The following ERBB4 variants were observed in gnomAD, a reference collection of about 807,000 sequenced individuals.
The protein encoded by ERBB4 is receptor tyrosine-protein kinase erbB-4.
ERBB4 carries 42 observed loss-of-function variants against 158.0 expected under a neutral mutation model. That is an observed-to-expected ratio of 0.27 (90% CI 0.21 to 0.34). ERBB4 has a LOEUF of 0.34. Ranked by LOEUF, ERBB4 falls within the 10% of genes least tolerant of loss-of-function variation. The pLI is 1.00. For synonymous variants in ERBB4, 583 were observed against 558.7 expected, an observed-to-expected ratio of 1.04 and a Z score of -0.61; for missense variants, 1,333 against 1,624.1, an observed-to-expected ratio of 0.82 and a Z score of 3.08.
At chr2:211,623,012 T>A (rs1242882438) in intron 18 of ERBB4, among the ~76,000 whole-genome samples, 5 of 64,230 alleles carry the variant, frequency 7.8e-5, no homozygotes, top group African/African-American at 3.1e-4. Flanking sequence ...TATATATATA[T>A]ATATATATAT....
In ERBB4 at chr2:211,702,159, A is replaced by T. The variant is rs2073277697; in HGVS notation, c.1297T>A (p.Ser433Thr). 1 of 1,613,706 alleles carries T rather than the reference A, an allele frequency of 6.2e-7. No homozygotes were observed. The highest frequency in any genetic ancestry group is 8.5e-7 in the Non-Finnish European group (1 of 1,179,740). The change falls in exon 12 of 28, where the codon TCC (serine) becomes ACC (threonine). Residue 433 changes from serine (S) to threonine (T), a missense_variant. By Grantham distance (58) the Ser-to-Thr change is moderately conservative (BLOSUM62 1). Coordinates refer to ENST00000342788, the MANE Select transcript of ERBB4 (RefSeq NM_005235.3). ...CCCTGTTGCTTGAGGATAAGCAAGG[A>T]CAGGCCACTAAGGAGGGGGAAGTGA... ...IGGRVLYSGL[S>T]LLILKQQGIT...
At chr2:211,490,007 T>G (rs1302872701) in intron 20 of ERBB4, among the ~76,000 whole-genome samples, 1 of 152,034 alleles carries the variant, frequency 6.6e-6, no homozygotes, top group Non-Finnish European at 1.5e-5. Context: ...TGTATTAAGG[T>G]GTGTGGAGGC....
At chr2:212,158,805 G>C (rs1275467133) in intron 1 of ERBB4, among the ~76,000 whole-genome samples, 1 of 151,900 alleles carries the variant, frequency 6.6e-6, no homozygotes, top group Non-Finnish European at 1.5e-5. Flanking sequence ...GTTTGCTTAG[G>C]AATGATGATA....
intron 3 of ERBB4, among the ~76,000 whole-genome samples, chr2:211,879,062 G>A (rs887934334): frequency 2.6e-5 from 4 of 152,098 alleles, no homozygotes; most frequent in Non-Finnish European, 5.9e-5. Flanking sequence ...GTCATGGTTG[G>A]TAAATGCTGG....
intron 1 of ERBB4, among the ~76,000 whole-genome samples, chr2:212,351,844 A>G (rs1435031981): frequency 5.3e-5 from 8 of 152,212 alleles, no homozygotes; most frequent in Non-Finnish European, 1.0e-4. Context: ...TGACCCTCAC[A>G]TAAATGAATT....
intron 1 of ERBB4, among the ~76,000 whole-genome samples, chr2:212,193,118 A>C (rs62182574): frequency 0.19 from 29,028 of 152,044 alleles, 3,081 homozygotes; most frequent in Non-Finnish European, 0.22. Flanking sequence ...ACATGTTTTT[A>C]CCTCCTGGGT....
At chr2:211,528,081 C>T (rs1026080470) in intron 20 of ERBB4, among the ~76,000 whole-genome samples, 1 of 151,874 alleles carries the variant, frequency 6.6e-6, no homozygotes, top group African/African-American at 2.4e-5. Context: ...TGATGAAAAA[C>T]AGGAACCAAT....
chr2:212,077,051 C>T (rs2078296326), intron 2 of ERBB4, among the ~76,000 whole-genome samples: 1 of 151,866 alleles, frequency 6.6e-6, no homozygotes, highest in Non-Finnish European at 1.5e-5. Context: ...ACGTATACAA[C>T]CTAATTATAC....
intron 2 of ERBB4, among the ~76,000 whole-genome samples, chr2:212,003,185 GAAAGAAAGAAAGAAAGAAAGACAGAAA>G (rs1559293185): frequency 5.9e-4 from 39 of 66,386 alleles, no homozygotes; most frequent in African/African-American, 7.3e-4. Flanking sequence ...AAGAAAGAAA[GAAAGAAAGAAAGAAAGAAAGACAGAAA>G]GAAGGAAGGA....
intron 3 of ERBB4, among the ~76,000 whole-genome samples, chr2:211,898,147 G>A (rs115383012): frequency 0.012 from 1,827 of 151,792 alleles, 41 homozygotes; most frequent in African/African-American, 0.041. Context: ...AGTAGCTTTC[G>A]AAAGCCTAAA....
intron 2 of ERBB4, among the ~76,000 whole-genome samples, chr2:211,992,781 T>C (rs918484244): frequency 6.6e-6 from 1 of 152,162 alleles, no homozygotes; most frequent in Non-Finnish European, 1.5e-5. Flanking sequence ...CCATGCCCCA[T>C]ACACCAGTGT....
chr2:211,583,709 AT>A (rs1289195000), intron 19 of ERBB4, among the ~76,000 whole-genome samples: 1 of 151,534 alleles, frequency 6.6e-6, no homozygotes, highest in Non-Finnish European at 1.5e-5. Flanking sequence ...CTAGTAAAAT[AT>A]TTTTTGTAAC....
rs539183730 is a variant in ERBB4, at chr2:212,204,967, C to T, written c.83-80064G>A. On this transcript the variant is annotated intron_variant, in intron 1 of 27. Transcript: ENST00000342788. ...CCGAGTAGCTGGGATTACAGGTATG[C>T]ACCACCACGCCCGGCTAGTTTTGTA... is the stretch of plus-strand genomic sequence containing the variant. Among the ~76,000 whole-genome samples the T allele has an allele frequency of 4.0e-5, 6 of 151,186 alleles. No homozygotes were observed. The East Asian group carries it at 8.1e-4, about 20-fold the overall frequency.
chr2:212,102,786 C>T (rs914747163), intron 2 of ERBB4, among the ~76,000 whole-genome samples: 111 of 152,218 alleles, frequency 7.3e-4, no homozygotes, highest in African/African-American at 2.6e-3. Flanking sequence ...CTCTTCCACT[C>T]AATTGATCTT....
intron 2 of ERBB4, among the ~76,000 whole-genome samples, chr2:211,971,542 A>G (rs1245919159): frequency 1.3e-5 from 2 of 152,180 alleles, no homozygotes; most frequent in Non-Finnish European, 1.5e-5. Flanking sequence ...CCTCCTCCCT[A>G]ACTCATTCTA....
At chr2:212,422,163 A>G (rs775941235) in intron 1 of ERBB4, among the ~76,000 whole-genome samples, 4 of 152,160 alleles carry the variant, frequency 2.6e-5, no homozygotes, top group Non-Finnish European at 5.9e-5. Context: ...TCTGTCCTTA[A>G]TATTTCCTGA....
intron 1 of ERBB4, among the ~76,000 whole-genome samples, chr2:212,317,324 T>C (rs78525670): frequency 0.024 from 3,682 of 151,588 alleles, 65 homozygotes; most frequent in Non-Finnish European, 0.037. Context: ...CCCAAGATAT[T>C]ACATCGATTA....
chr2:211,634,768 C>T (rs1258881810), intron 16 of ERBB4, among the ~76,000 whole-genome samples: 2 of 152,142 alleles, frequency 1.3e-5, no homozygotes, highest in Non-Finnish European at 2.9e-5. Context: ...ACCTCCACCT[C>T]CCAGGTTCAA....
intron 4 of ERBB4, among the ~76,000 whole-genome samples, chr2:211,783,641 T>C (rs1441816459): frequency 6.6e-6 from 1 of 152,222 alleles, no homozygotes; most frequent in African/African-American, 2.4e-5. Flanking sequence ...GGTTTTTATC[T>C]TTGGTTCTGT....
Sources: gnomAD v4.1 joint callset for allele counts (sites outside exome capture counted in the v4.1 genomes callset) on GRCh38, gnomAD v4.1.1 for gene constraint, MANE v1.5 for transcripts, NCBI Gene and HGNC (gene_info 2026-07-23, HGNC 2026-07-21) for gene names.